The following SYMPK variants were observed in gnomAD, a reference collection of about 807,000 sequenced individuals.
The protein encoded by SYMPK is symplekin scaffold protein.
In SYMPK, 49 loss-of-function variants were observed where a neutral mutation model predicts 136.4. That is an observed-to-expected ratio of 0.36 (90% CI 0.29 to 0.46). The LOEUF is 0.46. Among genes scored for constraint, SYMPK ranks in the 20% least tolerant of loss-of-function variants. The pLI, the probability that SYMPK is intolerant of heterozygous loss-of-function variation, is 1.00. For missense variants in SYMPK, 1,365 were observed against 1,690.0 expected (o/e 0.81, Z 3.37); for synonymous variants, 766 against 713.0 (o/e 1.07, Z -1.19).
chr19:45,846,007 T>C (rs567629456), intron 7 of SYMPK, among the ~76,000 whole-genome samples: 1 of 152,176 alleles, frequency 6.6e-6, no homozygotes, highest in African/African-American at 2.4e-5. Flanking sequence ...GAGGCCGAGG[T>C]GGGCAGATCA....
intron 1 of SYMPK, among the ~76,000 whole-genome samples, chr19:45,859,296 TA>T (rs34863014): frequency 3.6e-3 from 487 of 134,436 alleles, no homozygotes; most frequent in Admixed American, 3.9e-3. Flanking sequence ...GACAAGTCTT[TA>T]AAAAAAAAAA....
chr19:45,856,219 A>G (rs1971818430), intron 1 of SYMPK, among the ~76,000 whole-genome samples: 1 of 152,030 alleles, frequency 6.6e-6, no homozygotes, highest in Non-Finnish European at 1.5e-5. Context: ...CTGAGCCTAT[A>G]ATCCCAGCTA....
intron 23 of SYMPK, chr19:45,817,245 T>G: frequency 2.2e-6 from 1 of 450,644 alleles, no homozygotes; most frequent in Middle Eastern, 5.9e-4. Flanking sequence ...GGCTAAGTGC[T>G]GCGGGAGCAC....
At chr19:45,854,627 A>G (rs1971778377) in intron 1 of SYMPK, 120 bp from the exon 2 acceptor site, 1 of 756,110 alleles carries the variant, frequency 1.3e-6, no homozygotes, top group Non-Finnish European at 2.2e-6. Flanking sequence ...GTTCCTCCCC[A>G]GTCAGGCCTT....
chr19:45,836,214 G>A (rs1360406473), intron 10 of SYMPK, among the ~76,000 whole-genome samples: 3 of 151,046 alleles, frequency 2.0e-5, no homozygotes, highest in East Asian at 2.1e-4. Flanking sequence ...CCCAAGTAGC[G>A]GGGATTACAG....
At position 45,831,631 on chromosome 19, in the gene SYMPK, A is replaced by G. The variant is rs764525457; in HGVS notation, c.1394-43T>C. ...AACAGACACCCAGTGCGTCAGACCC[A>G]CCTGCTCCAACCCGAGGACCTCCTG... On this transcript the variant is annotated intron_variant, in intron 11 of 26. Transcript: ENST00000245934. 2.9e-4 allele frequency: 435 copies of G among 1,493,530 alleles called. 4 individuals are homozygous for G. Among genetic ancestry groups the G allele is most frequent in the Admixed American group, 4.3e-5 (2 of 46,722 alleles). The allele number at this position is 1,493,530 out of a possible 1,614,324, so 92.5% of individuals were successfully genotyped here. A position where few individuals can be genotyped will look rare whatever the true frequency, so the allele number is the denominator to read the frequency against.
intron 19 of SYMPK, 106 bp downstream of exon 19, chr19:45,823,661 G>C (rs1176942313): frequency 9.2e-7 from 1 of 1,082,378 alleles, no homozygotes; most frequent in Admixed American, 2.0e-5. Flanking sequence ...GCACAGACCC[G>C]CAAGAGGTAC....
At chr19:45,830,238 C>T in intron 12 of SYMPK, 34 bp from the exon 13 acceptor site, 1 of 1,593,620 alleles carries the variant, frequency 6.3e-7, no homozygotes. Context: ...GATGCAGTGA[C>T]CCAGACTGCA....
intron 17 of SYMPK, 148 bp downstream of exon 17, chr19:45,826,078 G>T: frequency 7.9e-7 from 1 of 1,260,876 alleles, no homozygotes; most frequent in Non-Finnish European, 1.1e-6. Flanking sequence ...CCCCTACCCT[G>T]ACTCCCACAG....
chr19:45,843,729 A>T (rs1232801978), intron 8 of SYMPK, among the ~76,000 whole-genome samples: 1 of 151,724 alleles, frequency 6.6e-6, no homozygotes, highest in Non-Finnish European at 1.5e-5. Context: ...GGCGAATCAC[A>T]AGGTCAAGAG....
At chr19:45,843,845 G>A (rs1439253929) in intron 8 of SYMPK, among the ~76,000 whole-genome samples, 185 bp downstream of exon 8, 1 of 149,416 alleles carries the variant, frequency 6.7e-6, no homozygotes, top group Non-Finnish European at 1.5e-5. Context: ...TCGGGAGGCT[G>A]AGGCAGGAGA....
chr19:45,842,595 T>C (rs1192647894), intron 8 of SYMPK, 106 bp from the exon 9 acceptor site: 22 of 1,501,074 alleles, frequency 1.5e-5, no homozygotes, highest in Admixed American at 1.9e-5. Flanking sequence ...AGGCATCTAC[T>C]AGAAAAGTTC....
chr19:45,821,488 G>A lies in SYMPK; in HGVS notation c.2792-3C>T, dbSNP rs200360187. The A allele has an allele frequency of 2.3e-4, 367 of 1,609,516 alleles. No homozygotes were observed. Among genetic ancestry groups the A allele is most frequent in the Non-Finnish European group, 3.0e-4 (354 of 1,175,998 alleles). On this transcript the variant is annotated splice_polypyrimidine_tract_variant and splice_region_variant and intron_variant, in intron 21 of 26. Coordinates refer to ENST00000245934, the MANE Select transcript of SYMPK (RefSeq NM_004819.3). This position sits in a 1 kb window ranked among gnomAD's most constrained non-coding sequence, Gnocchi z 4.4. The stretch of plus-strand genomic sequence containing the variant: ...GGACAAGGCTGAGTTTCCCTCACCT[G>A]CAGCAGGCGGGAGGAAGGGTGGGGG...
At chr19:45,838,408 G>C in intron 10 of SYMPK, 53 bp downstream of exon 10, 1 of 1,572,968 alleles carries the variant, frequency 6.4e-7, no homozygotes, top group Admixed American at 1.7e-5. Context: ...GTGAAAGACC[G>C]AGGAGATCCT....
At chr19:45,824,265 G>T in intron 18 of SYMPK, 1 of 213,046 alleles carries the variant, frequency 4.7e-6, no homozygotes, top group Non-Finnish European at 9.6e-6. Flanking sequence ...CCCAGACCAG[G>T]CTCCACCTGC....
intron 1 of SYMPK, among the ~76,000 whole-genome samples, chr19:45,857,409 C>CAAAAAAA (rs1161033225): frequency 9.2e-5 from 4 of 43,426 alleles, no homozygotes; most frequent in African/African-American, 3.6e-4. Flanking sequence ...GACTCTGTCT[C>CAAAAAAA]AAAAAAAAAA....
At position 45,815,450 on chromosome 19, in the gene SYMPK, C is replaced by T. The variant is rs999687032; in HGVS notation, c.*110G>A. On this transcript the variant is annotated 3_prime_UTR_variant, in exon 27 of 27. Transcript: ENST00000245934. ...TTTTTTTTTCTTTTCAGTAACTTGC[C>T]CAAGTTCACATCTTTTATTTCTTTT... 1 of 1,165,056 alleles carries T rather than the reference C, an allele frequency of 8.6e-7. No homozygotes were observed. The allele number at this position is 1,165,056 out of a possible 1,614,324, so 72.2% of individuals were successfully genotyped here.
At chr19:45,832,387 C>T (rs1434996910) in intron 11 of SYMPK, among the ~76,000 whole-genome samples, 1 of 151,802 alleles carries the variant, frequency 6.6e-6, no homozygotes, top group East Asian at 2.0e-4. Context: ...GGTGATCCAC[C>T]CGCCTCAGCC....
In SYMPK at chr19:45,815,413, C is replaced by A; in HGVS notation, c.*147G>T. 1.0e-6 allele frequency: 1 copy of A among 987,130 alleles called. No homozygotes were observed. Among genetic ancestry groups the A allele is most frequent in the Non-Finnish European group, 1.4e-6 (1 of 728,546 alleles). 61.1% of individuals were successfully genotyped at this position (987,130 alleles called of 1,614,324 possible). On this transcript the variant is annotated 3_prime_UTR_variant, in exon 27 of 27. Transcript: ENST00000245934. ...TCGAGACGGCACCCGCGCCCCAGGCCCGCCATCCCTTTTTTTTTTTCTTTT... is the reference window on the plus strand; with the variant it reads ...TCGAGACGGCACCCGCGCCCCAGGCACGCCATCCCTTTTTTTTTTTCTTTT...
Sources: allele counts gnomAD v4.1 joint callset (sites outside exome capture counted in the v4.1 genomes callset), GRCh38; gene constraint gnomAD v4.1.1; non-coding constraint Gnocchi (gnomAD v3.1); transcripts MANE v1.5; gene names NCBI Gene and HGNC (gene_info 2026-07-23, HGNC 2026-07-21).